Variants in CACNA2D3 observed in about 807,000 individuals in gnomAD.
CACNA2D3 encodes the protein calcium voltage-gated channel auxiliary subunit alpha2delta 3.
CACNA2D3 carries 60 observed loss-of-function variants against 160.6 expected under a neutral mutation model. The ratio of observed to expected loss-of-function variants is 0.37; its 90% CI spans 0.30 to 0.46. The LOEUF is 0.46. Ranked by LOEUF, CACNA2D3 falls within the 20% of genes least tolerant of loss-of-function variation. The pLI is 1.00. For synonymous variants in CACNA2D3, 558 were observed against 492.9 expected, an observed-to-expected ratio of 1.13 and a Z score of -1.75; for missense variants, 1,205 against 1,365.0, an observed-to-expected ratio of 0.88 and a Z score of 1.85.
chr3:54,836,131 G>T lies in CACNA2D3; in HGVS notation c.1399-1028G>T, dbSNP rs116835008. ...TCTCCCAACACTGTGTAAAAAGCAG[G>T]TGCAATGGTGTGTCTCCATGTGTCT... On this transcript the variant is annotated intron_variant, in intron 14 of 37. Coordinates refer to ENST00000474759, the MANE Select transcript of CACNA2D3 (RefSeq NM_018398.3). Among the ~76,000 whole-genome samples, 586 of 151,982 alleles carry T rather than the reference G, an allele frequency of 3.9e-3. 8 individuals carry two copies. The highest frequency in any genetic ancestry group is 0.036 in the South Asian group (175 of 4,798).
chr3:54,210,286 C>A (rs912903143), intron 2 of CACNA2D3, among the ~76,000 whole-genome samples: 2 of 152,064 alleles, frequency 1.3e-5, no homozygotes, highest in African/African-American at 4.8e-5. Context: ...GGTTTGGGAA[C>A]AATGAGGTGA....
rs948657905 is a variant in CACNA2D3 at position 54,410,745 on chromosome 3, A to G, written c.381+23971A>G. ...TGTTGTTTTCATGCCTGCTAACGCA[A>G]CATCCGTTCTACAGTCCACGGATCA... is the stretch of plus-strand genomic sequence containing the variant. On this transcript the variant is annotated intron_variant, in intron 4 of 37. Coordinates refer to ENST00000474759, the MANE Select transcript of CACNA2D3 (RefSeq NM_018398.3). 3.9e-5 allele frequency among the ~76,000 whole-genome samples: 6 copies of G among 152,256 alleles called. 1 individual carries two copies. Among genetic ancestry groups the G allele is most frequent in the Admixed American group, 2.6e-4 (4 of 15,288 alleles).
At chr3:54,405,765 A>T (rs72973108) in intron 4 of CACNA2D3, among the ~76,000 whole-genome samples, 4,749 of 152,058 alleles carry the variant, frequency 0.031, 255 homozygotes, top group African/African-American at 0.11. Flanking sequence ...GAAACAATTA[A>T]CAAAAATATT....
chr3:54,511,130 C>T (rs150873350), intron 5 of CACNA2D3, among the ~76,000 whole-genome samples: 1 of 152,310 alleles, frequency 6.6e-6, no homozygotes, highest in Non-Finnish European at 1.5e-5. Flanking sequence ...TGTCCTTTCT[C>T]CATTCTGGAA....
rs367978452 is a variant in CACNA2D3 at position 54,646,810 on chromosome 3, C to G, written c.1167+4569C>G. ...GCTGGGTCAAATGGTATTTCTGCCT[C>G]TCTAGCTCCTTGAGGAATAACCACA... On this transcript the variant is annotated intron_variant, in intron 11 of 37. Coordinates refer to ENST00000474759, the MANE Select transcript of CACNA2D3 (RefSeq NM_018398.3). 1.2e-4 allele frequency among the ~76,000 whole-genome samples: 18 copies of G among 152,230 alleles called. No individual in the cohort carries two copies. The East Asian group carries it at 2.1e-3, about 18-fold the overall frequency.
At chr3:54,197,549 G>C (rs1433005635) in intron 2 of CACNA2D3, 1 of 152,162 alleles carries the variant, frequency 6.6e-6, no homozygotes, top group Non-Finnish European at 1.5e-5. Flanking sequence ...TTCTTTCTCT[G>C]GTTTGGTACT....
At chr3:54,202,605 G>C (rs1701199667) in intron 2 of CACNA2D3, among the ~76,000 whole-genome samples, 1 of 152,134 alleles carries the variant, frequency 6.6e-6, no homozygotes, top group Middle Eastern at 3.2e-3. Flanking sequence ...CCTTAATCAG[G>C]ACACATATTT....
intron 5 of CACNA2D3, among the ~76,000 whole-genome samples, chr3:54,526,555 T>G (rs1247307256): frequency 6.6e-6 from 1 of 152,204 alleles, no homozygotes; most frequent in Non-Finnish European, 1.5e-5. Context: ...TCTCTGCCCC[T>G]CTTCCCAATA....
At chr3:54,810,950 C>G (rs1049109068) in intron 13 of CACNA2D3, among the ~76,000 whole-genome samples, 1 of 152,192 alleles carries the variant, frequency 6.6e-6, no homozygotes, top group Non-Finnish European at 1.5e-5. Flanking sequence ...CTCCTTTGTG[C>G]CTCACCTATT....
chr3:54,236,173 G>A (rs1237740824), intron 2 of CACNA2D3, among the ~76,000 whole-genome samples: 1 of 152,154 alleles, frequency 6.6e-6, no homozygotes, highest in Non-Finnish European at 1.5e-5. Context: ...AGCAAGTCTC[G>A]TAGAAACTGT....
At chr3:54,629,135 T>C (rs1302741815) in intron 10 of CACNA2D3, among the ~76,000 whole-genome samples, 1 of 152,050 alleles carries the variant, frequency 6.6e-6, no homozygotes, top group Non-Finnish European at 1.5e-5. Flanking sequence ...AGGCACTAAA[T>C]GGAGCAACAT....
chr3:54,990,143 A>G (rs1702707593), intron 31 of CACNA2D3, among the ~76,000 whole-genome samples: 2 of 152,184 alleles, frequency 1.3e-5, no homozygotes, highest in Non-Finnish European at 2.9e-5. Context: ...ACTCGAGATC[A>G]GTTTACTGTG....
intron 35 of CACNA2D3, among the ~76,000 whole-genome samples, chr3:55,056,839 A>C (rs1023948668): frequency 2.0e-5 from 3 of 152,204 alleles, no homozygotes; most frequent in Non-Finnish European, 4.4e-5. Flanking sequence ...AAGGGTAAAA[A>C]ATCTCACACA....
At chr3:55,067,464 G>A (rs1376292263) in intron 35 of CACNA2D3, among the ~76,000 whole-genome samples, 1 of 152,142 alleles carries the variant, frequency 6.6e-6, no homozygotes, top group Non-Finnish European at 1.5e-5. Flanking sequence ...ATATAGCTGT[G>A]GTAAGAGTTT....
chr3:54,858,887 A>G (rs1699225732), intron 17 of CACNA2D3, among the ~76,000 whole-genome samples: 1 of 152,220 alleles, frequency 6.6e-6, no homozygotes, highest in Non-Finnish European at 1.5e-5. Context: ...GGGAGTTTAC[A>G]TTTTAGAAAG....
chr3:54,511,347 G>A (rs1301535191), intron 5 of CACNA2D3, among the ~76,000 whole-genome samples: 1 of 151,758 alleles, frequency 6.6e-6, no homozygotes, highest in East Asian at 1.9e-4. Context: ...GGCAGGGGCT[G>A]TGTTTTTTTT....
intron 11 of CACNA2D3, among the ~76,000 whole-genome samples, chr3:54,747,944 A>C (rs2107059162): frequency 6.6e-6 from 1 of 152,328 alleles, no homozygotes; most frequent in Admixed American, 6.5e-5. Flanking sequence ...AAATACATAA[A>C]CATTCTCTAT....
intron 2 of CACNA2D3, among the ~76,000 whole-genome samples, chr3:54,165,160 C>T (rs1450984207): frequency 2.7e-5 from 3 of 111,722 alleles, no homozygotes; most frequent in African/African-American, 6.9e-5. Context: ...TGAACAAGAT[C>T]GGTCTTTTTT....
intron 2 of CACNA2D3, among the ~76,000 whole-genome samples, chr3:54,266,075 G>A (rs62253171): frequency 0.14 from 20,796 of 152,148 alleles, 1,700 homozygotes; most frequent in East Asian, 0.33. Flanking sequence ...TTTAAAAGCA[G>A]TGGAAAAAGT....
Sources: allele counts gnomAD v4.1 joint callset (sites outside exome capture counted in the v4.1 genomes callset), GRCh38; gene constraint gnomAD v4.1.1; transcripts MANE v1.5; gene names NCBI Gene and HGNC (gene_info 2026-07-23, HGNC 2026-07-21).